The following LRRC4C variants were observed in gnomAD, a reference collection of about 807,000 sequenced individuals.
The protein encoded by LRRC4C is leucine-rich repeat-containing protein 4C.
Under a neutral mutation model 33.6 loss-of-function variants are expected in LRRC4C, and 5 were observed. The ratio of observed to expected loss-of-function variants is 0.15; its 90% confidence interval spans 0.08 to 0.31. The LOEUF (loss-of-function observed/expected upper bound fraction) is 0.31, where lower values mean the gene tolerates loss of function less well. LRRC4C is among the 10% of genes least tolerant of loss of function. The pLI is 1.00. For missense variants in LRRC4C, 560 were observed against 796.7 expected (o/e 0.70, Z 3.58); for synonymous variants, 329 against 302.0 (o/e 1.09, Z -0.93).
intron 4 of LRRC4C, among the ~76,000 whole-genome samples, chr11:40,254,506 A>C (rs1482884528): frequency 6.6e-6 from 1 of 152,174 alleles, no homozygotes; most frequent in East Asian, 1.9e-4. Flanking sequence ...CAATGTTTCC[A>C]ATTGTTATTG....
intron 1 of LRRC4C, among the ~76,000 whole-genome samples, chr11:40,948,686 A>G (rs1177555780): frequency 1.7e-3 from 253 of 149,456 alleles, no homozygotes; most frequent in African/African-American, 6.1e-3. Flanking sequence ...GTCCCTACAA[A>G]GGACATGAAC....
At chr11:40,366,864 A>G (rs922802272) in intron 3 of LRRC4C, among the ~76,000 whole-genome samples, 6 of 152,064 alleles carry the variant, frequency 3.9e-5, no homozygotes, top group Non-Finnish European at 8.8e-5. Context: ...TTTGTTAGCT[A>G]TGAATATGAT....
intron 2 of LRRC4C, among the ~76,000 whole-genome samples, chr11:40,839,426 A>C (rs1177289530): frequency 6.6e-6 from 1 of 152,014 alleles, no homozygotes; most frequent in African/African-American, 2.4e-5. Context: ...TTGTATTTTT[A>C]GTAGAGATGG....
At chr11:40,633,325 T>TTTCC (rs1963631733) in intron 3 of LRRC4C, among the ~76,000 whole-genome samples, 3 of 112,246 alleles carry the variant, frequency 2.7e-5, no homozygotes, top group Non-Finnish European at 5.7e-5. Flanking sequence ...CAAGTTTTCT[T>TTTCC]TTTCTTTCTT....
chr11:40,387,360 G>T (rs1949151683), intron 3 of LRRC4C, among the ~76,000 whole-genome samples: 1 of 152,172 alleles, frequency 6.6e-6, no homozygotes, highest in African/African-American at 2.4e-5. Context: ...GATACCCACA[G>T]ATGTTTGGGG....
intron 2 of LRRC4C, among the ~76,000 whole-genome samples, chr11:40,800,397 T>C (rs570621087): frequency 2.1e-4 from 32 of 152,332 alleles, no homozygotes; most frequent in South Asian, 1.2e-3. Context: ...CCATGGATGA[T>C]ATAATACACT....
At chr11:40,882,523 C>G (rs890681141) in intron 2 of LRRC4C, among the ~76,000 whole-genome samples, 1 of 152,026 alleles carries the variant, frequency 6.6e-6, no homozygotes, top group Admixed American at 6.6e-5. Flanking sequence ...ATTCCACCTT[C>G]CTGCTCATTT....
At chr11:41,123,270 T>G (rs1265208010) in intron 1 of LRRC4C, among the ~76,000 whole-genome samples, 4 of 83,674 alleles carry the variant, frequency 4.8e-5, no homozygotes, top group Admixed American at 1.7e-4. Flanking sequence ...TGTTTTTTTT[T>G]TTTTTTTTTT....
chr11:40,682,566 A>C (rs1332690406), intron 2 of LRRC4C, among the ~76,000 whole-genome samples: 1 of 152,026 alleles, frequency 6.6e-6, no homozygotes, highest in African/African-American at 2.4e-5. Context: ...ACCTGAGATC[A>C]GGAGTTCGAG....
chr11:41,411,185 G>A (rs1181784155), intron 1 of LRRC4C, among the ~76,000 whole-genome samples: 2 of 55,120 alleles, frequency 3.6e-5, no homozygotes, highest in African/African-American at 2.1e-4. Context: ...GTCTTGCTCT[G>A]TCGCCCAGGC....
chr11:40,984,360 G>A (rs1382401947), intron 1 of LRRC4C, among the ~76,000 whole-genome samples: 242 of 62,016 alleles, frequency 3.9e-3, no homozygotes, highest in Non-Finnish European at 7.2e-3. Flanking sequence ...GAGAAAGAAA[G>A]AAAAAAGAAA....
chr11:40,779,157 T>C (rs1010634450), intron 2 of LRRC4C, among the ~76,000 whole-genome samples: 5 of 151,984 alleles, frequency 3.3e-5, no homozygotes, highest in Admixed American at 2.6e-4. Context: ...GCCTCTGTTA[T>C]AGATATTGTG....
At chr11:40,570,485 C>T (rs1957940367) in intron 3 of LRRC4C, among the ~76,000 whole-genome samples, 1 of 152,098 alleles carries the variant, frequency 6.6e-6, no homozygotes, top group African/African-American at 2.4e-5. Flanking sequence ...TGCTTTTAGA[C>T]TATGTAAAAT....
At chr11:40,800,251 A>G (rs745507063) in intron 2 of LRRC4C, among the ~76,000 whole-genome samples, 2 of 152,330 alleles carry the variant, frequency 1.3e-5, no homozygotes, top group South Asian at 2.1e-4. Flanking sequence ...CAAAGTCCTT[A>G]TAAACAATTA....
chr11:40,886,406 TACACACACAC>T (rs10629266), intron 2 of LRRC4C, among the ~76,000 whole-genome samples: 1 of 145,544 alleles, frequency 6.9e-6, no homozygotes, highest in South Asian at 2.3e-4. Context: ...TTTCAAATGC[TACACACACAC>T]ACACACACAC....
chr11:41,028,395 T>C (rs1002510973), intron 1 of LRRC4C, among the ~76,000 whole-genome samples: 4 of 151,720 alleles, frequency 2.6e-5, no homozygotes, highest in African/African-American at 9.7e-5. Flanking sequence ...TGCAAATGTA[T>C]ACTCTCTCAA....
intron 3 of LRRC4C, among the ~76,000 whole-genome samples, chr11:40,407,865 G>A (rs1950015460): frequency 6.6e-6 from 1 of 151,992 alleles, no homozygotes; most frequent in South Asian, 2.1e-4. Flanking sequence ...CAGCTGAAGA[G>A]CACGAAAAGA....
intron 3 of LRRC4C, among the ~76,000 whole-genome samples, chr11:40,505,873 G>T (rs975639872): frequency 6.7e-6 from 1 of 149,152 alleles, no homozygotes; most frequent in Non-Finnish European, 1.5e-5. Context: ...ATTTATGCTG[G>T]TTGGAGGACT....
chr11:41,108,006 G>T (rs1186193003), intron 1 of LRRC4C, among the ~76,000 whole-genome samples: 1 of 151,826 alleles, frequency 6.6e-6, no homozygotes, highest in Non-Finnish European at 1.5e-5. Flanking sequence ...GGAGAGTAGA[G>T]AGGAGAGAGG....
Sources: allele counts gnomAD v4.1 joint callset (sites outside exome capture counted in the v4.1 genomes callset), GRCh38; gene constraint gnomAD v4.1.1; transcripts MANE v1.5; gene names NCBI Gene and HGNC (gene_info 2026-07-23, HGNC 2026-07-21).